The following HHIPL2 variants were observed in gnomAD, a reference collection of about 807,000 sequenced individuals.
HHIPL2 encodes the protein HHIP like 2.
In HHIPL2, 61 loss-of-function variants were observed where a neutral mutation model predicts 61.0. The observed-to-expected ratio is 1.00, with a 90% CI of 0.81 to 1.24. The LOEUF (loss-of-function observed/expected upper bound fraction) is 1.24, where lower values mean the gene tolerates loss of function less well. HHIPL2 is among the 50% of genes most tolerant of loss of function. The pLI, the probability that HHIPL2 is intolerant of heterozygous loss-of-function variation, is 0.00. For missense variants in HHIPL2, 885 were observed against 910.2 expected (o/e 0.97, Z 0.36); for synonymous variants, 343 against 357.4 (o/e 0.96, Z 0.45).
intron 7 of HHIPL2, 96 bp downstream of exon 7, chr1:222,526,873 G>A: frequency 1.1e-6 from 1 of 932,284 alleles, no homozygotes; most frequent in Non-Finnish European, 1.7e-6. Context: ...TAGAACATGA[G>A]TTTGCTTCGG....
At position 222,522,447 on chromosome 1, in the gene HHIPL2, T is replaced by G. The variant is rs557370492; in HGVS notation, c.*154A>C. On this transcript the variant is annotated 3_prime_UTR_variant, in exon 9 of 9. Transcript: ENST00000343410. Reference sequence around the variant, plus strand: ...AGAGAAGGTGCATTTATTTATTCAGTAGACAGCAAGATTTCCCAGGGAGAG... The same window carrying G: ...AGAGAAGGTGCATTTATTTATTCAGGAGACAGCAAGATTTCCCAGGGAGAG... 28 of 722,298 alleles carry G rather than the reference T, an allele frequency of 3.9e-5. No individual in the cohort carries two copies. Among genetic ancestry groups the G allele is most frequent in the Non-Finnish European group, 6.4e-5 (27 of 424,256 alleles). 44.7% of individuals were successfully genotyped at this position (722,298 alleles called of 1,614,324 possible). A position where few individuals can be genotyped will look rare whatever the true frequency, so the allele number is the denominator to read the frequency against.
At chr1:222,531,739 A>G (rs1035832665) in intron 6 of HHIPL2, among the ~76,000 whole-genome samples, 3 of 152,240 alleles carry the variant, frequency 2.0e-5, no homozygotes, top group Non-Finnish European at 4.4e-5. Flanking sequence ...GTCTCAAAAA[A>G]AAGAAGAAAA....
intron 1 of HHIPL2, among the ~76,000 whole-genome samples, chr1:222,546,949 T>C (rs1659568217): frequency 6.6e-6 from 1 of 152,154 alleles, no homozygotes; most frequent in South Asian, 2.1e-4. Flanking sequence ...CTCCCCAACA[T>C]CATTAGAGGG....
At position 222,547,729 on chromosome 1, in the gene HHIPL2, A is replaced by G; in HGVS notation, c.316T>C (p.Cys106Arg). The G allele has an allele frequency of 6.2e-7, 1 of 1,610,484 alleles. No homozygotes were observed. The highest frequency in any genetic ancestry group is 8.5e-7 in the Non-Finnish European group (1 of 1,176,882). ...LCGDYIKDILCQECSPYAAHL... is the reference protein window; with the variant it reads ...LCGDYIKDILRQECSPYAAHL... ...TGGAAGGCACTTTTCACTACCTGGC[A>G]AAGGATGTCTTTAATGTAATCTCCA... The change falls in exon 1 of 9, where the codon TGC (cysteine) becomes CGC (arginine). Residue 106 changes from cysteine to arginine, a missense_variant. Coordinates refer to ENST00000343410, the MANE Select transcript of HHIPL2 (RefSeq NM_024746.4).
At chr1:222,547,703 C>T (rs1335737004) in intron 1 of HHIPL2, 21 bp downstream of exon 1, 2 of 1,601,594 alleles carry the variant, frequency 1.2e-6, no homozygotes, top group African/African-American at 2.7e-5. Context: ...ACCCCTGGGG[C>T]TGGAAGGCAC....
intron 2 of HHIPL2, 57 bp from the exon 3 acceptor site, chr1:222,542,212 C>T (rs1659447778): frequency 6.3e-6 from 10 of 1,584,942 alleles, no homozygotes; most frequent in Non-Finnish European, 8.5e-6. Context: ...AAGCTGCATC[C>T]TCTTGAGATA....
chr1:222,547,804 G>T lies in HHIPL2; in HGVS notation c.241C>A (p.Arg81=). Residue 81 remains arginine, a synonymous_variant, in exon 1 of 9, where the codon CGG becomes AGG. Coordinates refer to ENST00000343410, the MANE Select transcript of HHIPL2 (RefSeq NM_024746.4). Reference sequence around the variant, plus strand: ...AAATATTCCATGATGTCCCAGTACCGGGCAGCGATGCGGCGGTCCTTGTGC... The same window carrying T: ...AAATATTCCATGATGTCCCAGTACCTGGCAGCGATGCGGCGGTCCTTGTGC... ...DQHKDRRIAA[R]YWDIMEYFDL... 2 of 1,614,120 alleles carry T rather than the reference G, an allele frequency of 1.2e-6. No homozygotes were observed. Among genetic ancestry groups the T allele is most frequent in the Non-Finnish European group, 1.7e-6 (2 of 1,180,020 alleles).
At chr1:222,523,718 G>A (rs1458739708) in intron 7 of HHIPL2, 24 bp from the exon 8 acceptor site, 4 of 1,610,898 alleles carry the variant, frequency 2.5e-6, no homozygotes, top group Non-Finnish European at 3.4e-6. Flanking sequence ...CAGAAAGCAT[G>A]AGGACGCAAG....
Position 222,543,854 on chromosome 1 carries a change from G to A in HHIPL2, c.657C>T (p.Pro219=), listed in dbSNP as rs1659493647. 1.2e-6 allele frequency: 2 copies of A among 1,614,166 alleles called. No individual in the cohort carries two copies. Among genetic ancestry groups the A allele is most frequent in the Non-Finnish European group, 1.7e-6 (2 of 1,180,030 alleles). The change falls in exon 2 of 9, where the codon CCC becomes CCT. Residue 219 remains proline, a synonymous_variant. Transcript: ENST00000343410. ...CGTCCCCAGCATGGACCATGGAGAC[G>A]GGGTTCCTCAGCCCGTTGGCCACCT... ...LSEVANGLRN[P]VSMVHAGDGT...
At chr1:222,532,799 A>C (rs1659219963) in intron 5 of HHIPL2, among the ~76,000 whole-genome samples, 1 of 152,124 alleles carries the variant, frequency 6.6e-6, no homozygotes. Flanking sequence ...AGGTTAAACA[A>C]AATAATATAC....
chr1:222,528,468 G>A (rs892534292), intron 6 of HHIPL2, among the ~76,000 whole-genome samples: 3 of 152,170 alleles, frequency 2.0e-5, no homozygotes, highest in Admixed American at 6.5e-5. Context: ...TTATCCAGGC[G>A]TGGTGGCACA....
At position 222,522,738 on chromosome 1, in the gene HHIPL2, G is replaced by A. The variant is rs368433073; in HGVS notation, c.2038C>T (p.Arg680Ter). The change falls in exon 9 of 9, where the codon CGA becomes TGA. Residue 680 changes from arginine (R) to a stop codon, truncating the protein, a stop_gained. Coordinates refer to ENST00000343410, the MANE Select transcript of HHIPL2 (RefSeq NM_024746.4). LOFTEE classifies it low-confidence loss of function (END_TRUNC). ...ASPTSSKNTLRGPGTKKKARV... is the reference protein window; with the variant it reads ...ASPTSSKNTL ...GCTTTCTTCTTTGTACCAGGCCCTC[G>A]CAATGTATTCTTGCTGCTTGTAGGA... is the stretch of plus-strand genomic sequence containing the variant. The A allele has an allele frequency of 9.3e-5, 150 of 1,614,096 alleles. No individual in the cohort carries two copies. Among genetic ancestry groups the A allele is most frequent in the East Asian group, 4.7e-4 (21 of 44,862 alleles).
rs369967771 is a variant in HHIPL2 at position 222,526,977 on chromosome 1, G to T, written c.1797C>A (p.Asp599Glu). 2 of 1,612,526 alleles carry T rather than the reference G, an allele frequency of 1.2e-6. No individual in the cohort carries two copies. The highest frequency in any genetic ancestry group is 2.7e-5 in the African/African-American group (2 of 74,902). ...APRGSIYKFV[D>E]PSRRAPPGKC... ...ATGACATCAAATCTCACCTTGAGGGGTCAACAAACTTGTAAATAGATCCAC... is the reference window on the plus strand; with the variant it reads ...ATGACATCAAATCTCACCTTGAGGGTTCAACAAACTTGTAAATAGATCCAC... The change falls in exon 7 of 9, where the codon GAC (aspartate) becomes GAA (glutamate). Residue 599 changes from aspartate (D) to glutamate (E), a missense_variant. Physicochemically the swap from Asp to Glu is conservative, Grantham distance 45 (BLOSUM62 2). Transcript: ENST00000343410.
intron 6 of HHIPL2, among the ~76,000 whole-genome samples, chr1:222,528,900 A>G (rs1485310972): frequency 2.1e-5 from 3 of 145,102 alleles, no homozygotes; most frequent in African/African-American, 7.9e-5. Context: ...AGCTCACTGT[A>G]GCCTCAACCT....
Position 222,538,651 on chromosome 1 carries a change from C to A in HHIPL2, c.1574G>T (p.Ser525Ile). The A allele has an allele frequency of 6.2e-7, 1 of 1,613,580 alleles. No individual in the cohort carries two copies. The highest frequency in any genetic ancestry group is 8.5e-7 in the Non-Finnish European group (1 of 1,179,538). The change falls in exon 5 of 9, where the codon AGT becomes ATT. Residue 525 changes from serine (S) to isoleucine (I), a missense_variant. By Grantham distance (142) the Ser-to-Ile change is moderately radical. Coordinates refer to ENST00000343410, the MANE Select transcript of HHIPL2 (RefSeq NM_024746.4). ...AGGGACATCAGTCCTTCCTTACCCA[C>A]TCATGAAGTCTCCAAAGATATACAG... ...NGLYIFGDFM[S>I]GRLMALQEDR... is the part of the protein sequence containing the mutation.
At chr1:222,537,971 G>T (rs1659337464) in intron 5 of HHIPL2, among the ~76,000 whole-genome samples, 1 of 152,090 alleles carries the variant, frequency 6.6e-6, no homozygotes. Context: ...CAGCAACACG[G>T]AGAACAGATG....
Position 222,543,421 on chromosome 1 carries a change from T to C in HHIPL2, c.974+116A>G. Reference sequence around the variant, plus strand: ...TTCTCAATCCACAGTGACTCCTTTCTCAACAGTTCGAGTAGTGCTCTAAAA... The same window carrying C: ...TTCTCAATCCACAGTGACTCCTTTCCCAACAGTTCGAGTAGTGCTCTAAAA... On this transcript the variant is annotated intron_variant, in intron 2 of 8. Transcript: ENST00000343410. 2.8e-6 allele frequency: 3 copies of C among 1,060,472 alleles called. No homozygotes were observed. In the African/African-American group the frequency reaches 4.7e-5, roughly 17 times the overall value. The allele number at this position is 1,060,472 out of a possible 1,614,324, so 65.7% of individuals were successfully genotyped here.
Position 222,523,693 on chromosome 1 carries a change from G to A in HHIPL2, c.1807C>T (p.Arg603Ter), listed in dbSNP as rs748614628. Residue 603 changes from arginine to a stop codon, truncating the protein, a stop_gained and splice_region_variant, in exon 8 of 9, where the codon CGA (arginine) becomes TGA (stop). Transcript: ENST00000343410. LOFTEE classifies it high-confidence loss of function. ...TATTTGCACTTGCCTGGGGGTGCTC[G>A]CCTAAAAACACAAACAGAAAGCATG... The part of the protein sequence containing the change: ...SIYKFVDPSR[R>*]APPGKCKYKP... 39 of 1,614,004 alleles carry A rather than the reference G, an allele frequency of 2.4e-5. No homozygotes were observed. Among genetic ancestry groups the A allele is most frequent in the East Asian group, 4.5e-5 (2 of 44,878 alleles).
At chr1:222,536,747 C>T (rs1659309214) in intron 5 of HHIPL2, among the ~76,000 whole-genome samples, 1 of 152,104 alleles carries the variant, frequency 6.6e-6, no homozygotes, top group South Asian at 2.1e-4. Flanking sequence ...CAAATCAAAT[C>T]CATCTATATG....
Sources: allele counts gnomAD v4.1 joint callset (sites outside exome capture counted in the v4.1 genomes callset), GRCh38; gene constraint gnomAD v4.1.1; transcripts MANE v1.5; gene names NCBI Gene and HGNC (gene_info 2026-07-23, HGNC 2026-07-21).